Variants in SLC41A2 observed in about 807,000 individuals in gnomAD.
The protein encoded by SLC41A2 is solute carrier family 41 member 2, also known as SLC41A1-like 1.
In SLC41A2, 32 loss-of-function variants were observed where a neutral mutation model predicts 58.3. The ratio of observed to expected loss-of-function variants is 0.55; its 90% confidence interval spans 0.41 to 0.74. The LOEUF (loss-of-function observed/expected upper bound fraction) is 0.74, where lower values mean the gene tolerates loss of function less well. Among genes scored for constraint, SLC41A2 ranks in the 30% least tolerant of loss-of-function variants. The probability of loss-of-function intolerance (pLI) is 0.00; values close to 1 mark genes in which losing one functional copy is unlikely to be tolerated. For missense variants in SLC41A2, 514 were observed against 680.6 expected (o/e 0.76, Z 2.72); for synonymous variants, 190 against 235.0 (o/e 0.81, Z 1.75).
At chr12:104,884,570 C>G (rs2044563008) in intron 6 of SLC41A2, among the ~76,000 whole-genome samples, 2 of 152,192 alleles carry the variant, frequency 1.3e-5, no homozygotes, top group South Asian at 4.1e-4. Context: ...CCTGGGCAAA[C>G]CCATAGAATT....
At chr12:104,820,711 G>C (rs540948595) in intron 10 of SLC41A2, among the ~76,000 whole-genome samples, 56 of 151,934 alleles carry the variant, frequency 3.7e-4, no homozygotes, top group African/African-American at 1.3e-3. Context: ...GTGCGATCTT[G>C]GCCCACTGCA....
At chr12:104,938,883 C>T (rs978795781) in intron 1 of SLC41A2, among the ~76,000 whole-genome samples, 2 of 152,158 alleles carry the variant, frequency 1.3e-5, no homozygotes, top group Non-Finnish European at 2.9e-5. Context: ...AGATTGCAGT[C>T]TATGGACAAG....
intron 10 of SLC41A2, among the ~76,000 whole-genome samples, chr12:104,809,403 G>T (rs367718908): frequency 2.0e-5 from 3 of 152,184 alleles, no homozygotes; most frequent in African/African-American, 4.8e-5. Context: ...AGAGTGGCTT[G>T]TCCAAACGTA....
chr12:104,909,569 A>G, intron 3 of SLC41A2, 86 bp downstream of exon 3: 1 of 915,230 alleles, frequency 1.1e-6, no homozygotes, highest in Non-Finnish European at 1.7e-6. Flanking sequence ...ATATCAGAGA[A>G]AGAAATATTT....
intron 10 of SLC41A2, among the ~76,000 whole-genome samples, chr12:104,836,707 C>T (rs756947096): frequency 6.6e-6 from 1 of 152,088 alleles, no homozygotes; most frequent in Non-Finnish European, 1.5e-5. Context: ...TTGATAGTGT[C>T]TAATAGATGA....
chr12:104,881,533 T>A (rs907423883), intron 6 of SLC41A2, among the ~76,000 whole-genome samples: 2 of 152,232 alleles, frequency 1.3e-5, no homozygotes, highest in African/African-American at 4.8e-5. Context: ...GTCTCATTGG[T>A]TTCAAAGAAC....
In SLC41A2 at chr12:104,943,712, G is replaced by C. The variant is rs143241204; in HGVS notation, c.-168+14376C>G. On this transcript the variant is annotated intron_variant, in intron 1 of 10. Coordinates refer to ENST00000258538, the MANE Select transcript of SLC41A2 (RefSeq NM_001352171.3). ...AGTACTTGGGTTTTCCTGCTGAGAG[G>C]GGGGACTGAGAGACAGGACTAGCTG... Among the ~76,000 whole-genome samples the C allele has an allele frequency of 7.9e-3, 1,200 of 152,258 alleles. 14 individuals carry two copies. The highest frequency in any genetic ancestry group is 0.026 in the African/African-American group (1,094 of 41,534).
At chr12:104,907,771 G>A (rs1365425396) in intron 3 of SLC41A2, among the ~76,000 whole-genome samples, 1 of 152,166 alleles carries the variant, frequency 6.6e-6, no homozygotes, top group Non-Finnish European at 1.5e-5. Context: ...TGCAAAGCAG[G>A]ATAATAGTGC....
chr12:104,917,325 A>G (rs2135819475), intron 2 of SLC41A2, among the ~76,000 whole-genome samples: 1 of 151,960 alleles, frequency 6.6e-6, no homozygotes, highest in Middle Eastern at 3.4e-3. Flanking sequence ...TCAGGAAACA[A>G]CAGGTCCTGG....
intron 1 of SLC41A2, among the ~76,000 whole-genome samples, chr12:104,942,684 T>G (rs938880131): frequency 2.6e-5 from 4 of 152,200 alleles, no homozygotes; most frequent in Non-Finnish European, 4.4e-5. Context: ...ACTTTAGCAG[T>G]GAGGAAACTT....
intron 10 of SLC41A2, among the ~76,000 whole-genome samples, chr12:104,811,177 G>A (rs1240763955): frequency 2.0e-5 from 3 of 152,146 alleles, no homozygotes; most frequent in Admixed American, 6.6e-5. Context: ...GTATCTTGGT[G>A]TACTTATGGA....
intron 6 of SLC41A2, among the ~76,000 whole-genome samples, chr12:104,880,350 A>G (rs1379524543): frequency 6.6e-6 from 1 of 152,116 alleles, no homozygotes; most frequent in Non-Finnish European, 1.5e-5. Flanking sequence ...TTCCAACACT[A>G]TGTTGAATAG....
At chr12:104,927,359 T>G (rs1439079078) in intron 2 of SLC41A2, among the ~76,000 whole-genome samples, 3 of 152,202 alleles carry the variant, frequency 2.0e-5, no homozygotes, top group Admixed American at 6.5e-5. Flanking sequence ...TGGAATATCA[T>G]GCACTCAGTT....
At chr12:104,882,306 A>G (rs1450258097) in intron 6 of SLC41A2, among the ~76,000 whole-genome samples, 2 of 152,156 alleles carry the variant, frequency 1.3e-5, no homozygotes, top group Non-Finnish European at 2.9e-5. Flanking sequence ...TGGGGCATTT[A>G]GTCCATTTAC....
At chr12:104,917,491 C>T (rs1466091395) in intron 2 of SLC41A2, among the ~76,000 whole-genome samples, 2 of 151,830 alleles carry the variant, frequency 1.3e-5, no homozygotes, top group Admixed American at 1.3e-4. Context: ...ACCCAAAGGA[C>T]TATAAATCAT....
intron 10 of SLC41A2, among the ~76,000 whole-genome samples, chr12:104,821,216 G>C (rs1423881928): frequency 4.6e-5 from 7 of 152,028 alleles, no homozygotes; most frequent in Admixed American, 1.3e-4. Flanking sequence ...TATATAGAGA[G>C]AGAGTTGGTT....
intron 7 of SLC41A2, among the ~76,000 whole-genome samples, chr12:104,863,135 G>A (rs947832625): frequency 3.3e-5 from 5 of 152,132 alleles, no homozygotes; most frequent in African/African-American, 1.2e-4. Context: ...ATAGATGTGT[G>A]TCATTAAAAA....
In SLC41A2 at chr12:104,866,415, C is replaced by G; in HGVS notation, c.1175+17G>C. The G allele has an allele frequency of 6.5e-7, 1 of 1,532,852 alleles. No individual in the cohort carries two copies. The highest frequency in any genetic ancestry group is 8.7e-7 in the Non-Finnish European group (1 of 1,143,906). The allele number at this position is 1,532,852 out of a possible 1,614,324, so 95.0% of individuals were successfully genotyped here. A position where few individuals can be genotyped will look rare whatever the true frequency, so the allele number is the denominator to read the frequency against. ...ACACACACACACACACACACACACA[C>G]ATATTTTAATACTAACCTACTTATA... On this transcript the variant is annotated intron_variant, in intron 7 of 10. Coordinates refer to ENST00000258538, the MANE Select transcript of SLC41A2 (RefSeq NM_001352171.3).
chr12:104,941,055 G>C (rs1465655381), intron 1 of SLC41A2, among the ~76,000 whole-genome samples: 1 of 151,986 alleles, frequency 6.6e-6, no homozygotes, highest in Non-Finnish European at 1.5e-5. Flanking sequence ...AGGGAACAGA[G>C]AGTGAAATCA....
Sources: allele counts gnomAD v4.1 joint callset (sites outside exome capture counted in the v4.1 genomes callset), GRCh38; gene constraint gnomAD v4.1.1; transcripts MANE v1.5; gene names NCBI Gene and HGNC (gene_info 2026-07-23, HGNC 2026-07-21).